Variants in LARP4 observed in about 807,000 individuals in gnomAD.
The protein encoded by LARP4 is La ribonucleoprotein 4, also known as la-related protein 4.
Under a neutral mutation model 92.9 loss-of-function variants are expected in LARP4, and 29 were observed. The ratio of observed to expected loss-of-function variants is 0.31; its 90% CI spans 0.23 to 0.43. LARP4 has a LOEUF of 0.43. Among genes scored for constraint, LARP4 ranks in the 20% least tolerant of loss-of-function variants. LARP4 has a pLI of 1.00. For synonymous variants in LARP4, 279 were observed against 284.1 expected (o/e 0.98, Z 0.18); for missense variants, 732 against 860.0 (o/e 0.85, Z 1.86).
chr12:50,465,235 G>A (rs982580268), intron 12 of LARP4, among the ~76,000 whole-genome samples: 10 of 152,078 alleles, frequency 6.6e-5, no homozygotes, highest in African/African-American at 2.4e-4. Flanking sequence ...AGCCGGGTAT[G>A]GTGGTGGGTG....
At chr12:50,449,652 T>G (rs1952796771) in intron 8 of LARP4, among the ~76,000 whole-genome samples, 1 of 152,166 alleles carries the variant, frequency 6.6e-6, no homozygotes, top group African/African-American at 2.4e-5. Flanking sequence ...TCATTAGAGA[T>G]TGCTAAAATT....
At chr12:50,401,103 A>T (rs181072587) in intron 1 of LARP4, 75 bp downstream of exon 1, 1 of 1,561,594 alleles carries the variant, frequency 6.4e-7, no homozygotes, top group Non-Finnish European at 8.8e-7. Flanking sequence ...TCCCACCGCC[A>T]TGTGACTTTC....
At chr12:50,407,173 G>C (rs890585236) in intron 1 of LARP4, among the ~76,000 whole-genome samples, 1 of 151,992 alleles carries the variant, frequency 6.6e-6, no homozygotes, top group Non-Finnish European at 1.5e-5. Context: ...CTACAGGCGC[G>C]TACCACCACG....
chr12:50,441,672 G>T (rs753641738), intron 8 of LARP4, 29 bp downstream of exon 8: 37 of 1,522,860 alleles, frequency 2.4e-5, no homozygotes, highest in Non-Finnish European at 3.1e-5. Flanking sequence ...TGTGAAACCA[G>T]AACAGGTTTT....
Position 50,473,411 on chromosome 12 carries a change from T to C in LARP4, c.1546-4T>C. On this transcript the variant is annotated splice_region_variant and splice_polypyrimidine_tract_variant and intron_variant, in intron 13 of 15. Transcript: ENST00000398473. The stretch of plus-strand genomic sequence containing the variant: ...GTAATTTTGAAAAATCTTTTTACTT[T>C]AAGGATAATGAAGAGTTGACAATTA... The C allele has an allele frequency of 1.9e-6, 3 of 1,611,338 alleles. No homozygotes were observed. Among genetic ancestry groups the C allele is most frequent in the Non-Finnish European group, 2.5e-6 (3 of 1,177,846 alleles).
intron 1 of LARP4, among the ~76,000 whole-genome samples, chr12:50,426,715 GT>G (rs1246988585): frequency 2.6e-4 from 35 of 136,146 alleles, no homozygotes; most frequent in East Asian, 1.9e-3. Context: ...GTGTGTGTGT[GT>G]GTGTGTGTGT....
chr12:50,462,164 A>C (rs1955490188), intron 11 of LARP4, among the ~76,000 whole-genome samples: 1 of 151,870 alleles, frequency 6.6e-6, no homozygotes, highest in Admixed American at 6.6e-5. Flanking sequence ...ACTAGCCCCA[A>C]ATGTAGAAAG....
Position 50,428,846 on chromosome 12 carries a change from A to G in LARP4, c.167-89A>G, listed in dbSNP as rs1237456206. 5 of 965,428 alleles carry G rather than the reference A, an allele frequency of 5.2e-6. No homozygotes were observed. The African/African-American group carries it at 6.7e-5, about 13-fold the overall frequency. 59.8% of individuals were successfully genotyped at this position (965,428 alleles called of 1,614,324 possible). ...TTTCAAACTGGTAGAAATCCTTAAAATCTTTTTATAGGTGACATACTGCCC... is the reference window on the plus strand; with the variant it reads ...TTTCAAACTGGTAGAAATCCTTAAAGTCTTTTTATAGGTGACATACTGCCC... On this transcript the variant is annotated intron_variant, in intron 2 of 15. Transcript: ENST00000398473.
rs866853172 is a variant in LARP4, at chr12:50,426,688, T to G, written c.19-1074T>G. Among the ~76,000 whole-genome samples, 671 of 92,144 alleles carry G rather than the reference T, an allele frequency of 7.3e-3. 14 individuals are homozygous for G. The highest frequency in any genetic ancestry group is 0.048 in the African/African-American group (601 of 12,462). The allele number at this position is 92,144 out of a possible 152,430, so 60.5% of individuals were successfully genotyped here. ...GGAACAGGGCATTATGTTTGGGGTG[T>G]GTGTGTGTGTGTGTGTGTGTGTGTG... On this transcript the variant is annotated intron_variant, in intron 1 of 15. Coordinates refer to ENST00000398473, the MANE Select transcript of LARP4 (RefSeq NM_052879.5).
chr12:50,466,012 CAAAA>C (rs1392460271), intron 12 of LARP4, among the ~76,000 whole-genome samples: 1 of 151,648 alleles, frequency 6.6e-6, no homozygotes, highest in Non-Finnish European at 1.5e-5. Context: ...ATCTAAAAAA[CAAAA>C]AAGGTATCAC....
chr12:50,455,793 A>G (rs1021128762), intron 10 of LARP4, among the ~76,000 whole-genome samples: 1 of 152,200 alleles, frequency 6.6e-6, no homozygotes, highest in Non-Finnish European at 1.5e-5. Flanking sequence ...AAATTTTACT[A>G]CTAAACATAA....
Position 50,475,888 on chromosome 12 carries a change from C to A in LARP4, c.*24C>A, listed in dbSNP as rs767114817. 3 of 1,587,614 alleles carry A rather than the reference C, an allele frequency of 1.9e-6. No homozygotes were observed. In the East Asian group the frequency reaches 6.7e-5, roughly 36 times the overall value. On this transcript the variant is annotated 3_prime_UTR_variant, in exon 16 of 16. Coordinates refer to ENST00000398473, the MANE Select transcript of LARP4 (RefSeq NM_052879.5). ...AAAAAACAACAAAACTATTCAAAAA[C>A]TTCACTCTCTTCCCATTAAACTTGA...
intron 2 of LARP4, 30 bp from the exon 3 acceptor site, chr12:50,428,905 A>G: frequency 1.3e-6 from 2 of 1,514,210 alleles, no homozygotes; most frequent in East Asian, 4.7e-5. Flanking sequence ...AATAATTCCC[A>G]TTTACTTTCA....
chr12:50,462,432 C>T lies in LARP4; in HGVS notation c.1335-150C>T, dbSNP rs1043719696. The T allele has an allele frequency of 4.0e-5, 23 of 571,368 alleles. 1 individual carries two copies. The highest frequency in any genetic ancestry group is 2.4e-4 in the African/African-American group (12 of 50,706). 35.4% of individuals were successfully genotyped at this position (571,368 alleles called of 1,614,324 possible). ...GAGGCAGTTCGTAGTGAGCCGAGATCGCGCCACTGCACTCCAGCCTGGCGA... is the reference window on the plus strand; with the variant it reads ...GAGGCAGTTCGTAGTGAGCCGAGATTGCGCCACTGCACTCCAGCCTGGCGA... On this transcript the variant is annotated intron_variant, in intron 11 of 15. Transcript: ENST00000398473.
chr12:50,402,811 C>T (rs888051930), intron 1 of LARP4: 5 of 454,942 alleles, frequency 1.1e-5, no homozygotes, highest in African/African-American at 1.0e-4. Context: ...TCCGACTCCC[C>T]AGGTTAGACA....
intron 1 of LARP4, among the ~76,000 whole-genome samples, chr12:50,407,523 T>A (rs1945075339): frequency 6.6e-6 from 1 of 152,116 alleles, no homozygotes; most frequent in African/African-American, 2.4e-5. Flanking sequence ...GATGGCAGTA[T>A]GTTAAAATAC....
chr12:50,421,374 C>T (rs767673713), intron 1 of LARP4: 102 of 714,540 alleles, frequency 1.4e-4, no homozygotes, highest in Non-Finnish European at 1.7e-4. Context: ...CTGGGTGCAG[C>T]GGCTCACACC....
At chr12:50,467,254 C>T (rs914991262) in intron 13 of LARP4, 134 bp downstream of exon 13, 1 of 610,124 alleles carries the variant, frequency 1.6e-6, no homozygotes, top group South Asian at 4.1e-5. Context: ...TTTCAGCATA[C>T]TTAGAGTGTT....
rs1956258103 is a variant in LARP4, at chr12:50,467,210, T to C, written c.1545+90T>C. 11 of 952,126 alleles carry C rather than the reference T, an allele frequency of 1.2e-5. No homozygotes were observed. The South Asian group carries it at 2.4e-4, about 21-fold the overall frequency. The allele number at this position is 952,126 out of a possible 1,614,324, so 59.0% of individuals were successfully genotyped here. On this transcript the variant is annotated intron_variant, in intron 13 of 15. Coordinates refer to ENST00000398473, the MANE Select transcript of LARP4 (RefSeq NM_052879.5). ...TATTTAAAATTTTACTTGCACTTAG[T>C]GTACATTTCTATCATAGTTTTTATT...
Sources: gnomAD v4.1 joint callset for allele counts (sites outside exome capture counted in the v4.1 genomes callset) on GRCh38, gnomAD v4.1.1 for gene constraint, MANE v1.5 for transcripts, NCBI Gene and HGNC (gene_info 2026-07-23, HGNC 2026-07-21) for gene names.